Variants in XRCC4 observed in about 807,000 individuals in gnomAD.
The protein encoded by XRCC4 is DNA repair protein XRCC4.
In XRCC4, 28 loss-of-function variants were observed where a neutral mutation model predicts 39.1. That is an observed-to-expected ratio of 0.72 (90% confidence interval 0.53 to 0.98). The LOEUF (loss-of-function observed/expected upper bound fraction) is 0.98, where lower values mean the gene tolerates loss of function less well. XRCC4 is among the 50% of genes least tolerant of loss of function. XRCC4 has a pLI of 0.00. For missense variants in XRCC4, 350 were observed against 376.4 expected (o/e 0.93, Z 0.58); for synonymous variants, 123 against 126.4 (o/e 0.97, Z 0.18).
intron 7 of XRCC4, among the ~76,000 whole-genome samples, chr5:83,304,961 A>G (rs1311671949): frequency 6.6e-6 from 1 of 152,202 alleles, no homozygotes; most frequent in Non-Finnish European, 1.5e-5. Context: ...TGGGAAGAAA[A>G]ATAAAGTTTC....
intron 3 of XRCC4, among the ~76,000 whole-genome samples, chr5:83,143,350 C>G (rs1748274571): frequency 6.6e-6 from 1 of 152,118 alleles, no homozygotes; most frequent in African/African-American, 2.4e-5. Context: ...AAGGAATGTA[C>G]TACTTCATAT....
chr5:83,213,796 G>T (rs113803402), intron 6 of XRCC4, among the ~76,000 whole-genome samples: 12 of 152,088 alleles, frequency 7.9e-5, no homozygotes, highest in African/African-American at 2.4e-4. Context: ...CATGAACATA[G>T]ATATAAACAT....
chr5:83,133,053 T>C lies in XRCC4; in HGVS notation c.315+21850T>C, dbSNP rs1747683956. 2.0e-5 allele frequency among the ~76,000 whole-genome samples: 3 copies of C among 152,146 alleles called. No individual in the cohort carries two copies. The East Asian group carries it at 5.8e-4, about 29-fold the overall frequency. On this transcript the variant is annotated intron_variant, in intron 3 of 7. Coordinates refer to ENST00000396027, the MANE Select transcript of XRCC4 (RefSeq NM_003401.5). ...CCTTCGGTCTTTGGTAATGGTGATG[T>C]ACAGATGGGGTTTTGGTGTGGATGT...
intron 3 of XRCC4, among the ~76,000 whole-genome samples, chr5:83,169,698 A>AT (rs527841686): frequency 5.3e-5 from 8 of 152,020 alleles, no homozygotes; most frequent in Non-Finnish European, 1.2e-4. Flanking sequence ...TCTTTTACAC[A>AT]TTTGGTCTCC....
At chr5:83,369,644 C>T in the XRCC4 span, among the ~76,000 whole-genome samples, 1 of 152,162 alleles carries the variant, frequency 6.6e-6, no homozygotes, top group African/African-American at 2.4e-5. Context: ...TTTATCCAAT[C>T]CACTATTGAT....
At chr5:83,257,091 C>T (rs1753571347) in intron 6 of XRCC4, among the ~76,000 whole-genome samples, 3 of 152,038 alleles carry the variant, frequency 2.0e-5, no homozygotes. Flanking sequence ...TCGTAGAGAT[C>T]AAGTAAAGCA....
intron 7 of XRCC4, among the ~76,000 whole-genome samples, chr5:83,270,273 C>CT (rs1339240035): frequency 6.6e-6 from 1 of 152,162 alleles, no homozygotes; most frequent in African/African-American, 2.4e-5. Flanking sequence ...TTTCAGCCCA[C>CT]TTCCTATTAG....
At chr5:83,361,823 G>A in the XRCC4 span, among the ~76,000 whole-genome samples, 2 of 151,546 alleles carry the variant, frequency 1.3e-5, no homozygotes, top group Admixed American at 6.6e-5. Context: ...GGTTTCACCA[G>A]GTTGGCCAGG....
intron 7 of XRCC4, among the ~76,000 whole-genome samples, chr5:83,275,261 C>A (rs900955325): frequency 1.3e-4 from 20 of 149,950 alleles, no homozygotes; most frequent in Admixed American, 1.2e-3. Flanking sequence ...CTTTGCAGGT[C>A]GTGAAAATAG....
At chr5:83,144,208 C>A (rs1218948531) in intron 3 of XRCC4, among the ~76,000 whole-genome samples, 1 of 151,582 alleles carries the variant, frequency 6.6e-6, no homozygotes, top group Non-Finnish European at 1.5e-5. Flanking sequence ...CCTCCAGCTC[C>A]ATCCAAGTTC....
intron 3 of XRCC4, among the ~76,000 whole-genome samples, chr5:83,119,715 T>C (rs1746906314): frequency 6.6e-6 from 1 of 152,186 alleles, no homozygotes; most frequent in Non-Finnish European, 1.5e-5. Flanking sequence ...CTCATGCCTG[T>C]AATCCCAGCA....
intron 1 of XRCC4, among the ~76,000 whole-genome samples, chr5:83,078,440 GT>G (rs769528178): frequency 1.5e-4 from 23 of 152,166 alleles, no homozygotes; most frequent in Non-Finnish European, 2.9e-4. Flanking sequence ...TTTTCAGAAT[GT>G]TTTCAATTTT....
intron 7 of XRCC4, among the ~76,000 whole-genome samples, chr5:83,298,020 T>C (rs1438293943): frequency 6.6e-6 from 1 of 151,986 alleles, no homozygotes; most frequent in South Asian, 2.1e-4. Flanking sequence ...TAATGCATCA[T>C]TTCTTTATGC....
chr5:83,287,220 G>A (rs1197313299), intron 7 of XRCC4, among the ~76,000 whole-genome samples: 2 of 152,072 alleles, frequency 1.3e-5, no homozygotes, highest in African/African-American at 4.8e-5. Flanking sequence ...AGATCCATTA[G>A]TAGGCTTGGC....
chr5:83,155,832 AT>A (rs1253769928), intron 3 of XRCC4, among the ~76,000 whole-genome samples: 1 of 152,140 alleles, frequency 6.6e-6, no homozygotes, highest in Non-Finnish European at 1.5e-5. Context: ...AATTTAAAAA[AT>A]AGTTATTTCT....
At chr5:83,137,731 G>A (rs1298421064) in intron 3 of XRCC4, among the ~76,000 whole-genome samples, 1 of 152,032 alleles carries the variant, frequency 6.6e-6, no homozygotes. Context: ...TGGTTGTAAG[G>A]ATTTAATTAA....
chr5:83,220,003 T>C (rs906383304), intron 6 of XRCC4, among the ~76,000 whole-genome samples: 1 of 152,116 alleles, frequency 6.6e-6, no homozygotes, highest in Non-Finnish European at 1.5e-5. Context: ...GGAAATCAAA[T>C]TGTACTAACA....
chr5:83,322,170 C>T (rs1388427549), intron 7 of XRCC4, among the ~76,000 whole-genome samples: 1 of 151,660 alleles, frequency 6.6e-6, no homozygotes, highest in Non-Finnish European at 1.5e-5. Context: ...CTGATGTCTG[C>T]ATAACTCCGG....
chr5:83,359,853 T>C, the XRCC4 span, among the ~76,000 whole-genome samples: 2 of 152,170 alleles, frequency 1.3e-5, no homozygotes, highest in East Asian at 1.9e-4. Context: ...ATCAATTTTA[T>C]AATTAAATAT....
Sources: gnomAD v4.1 joint callset for allele counts (sites outside exome capture counted in the v4.1 genomes callset) on GRCh38, gnomAD v4.1.1 for gene constraint, MANE v1.5 for transcripts, NCBI Gene and HGNC (gene_info 2026-07-23, HGNC 2026-07-21) for gene names.